Variants in TNNI3K observed in about 807,000 individuals in gnomAD.
TNNI3K encodes TNNI3 interacting kinase.
Under a neutral mutation model 114.5 loss-of-function variants are expected in TNNI3K, and 140 were observed. The ratio of observed to expected loss-of-function variants is 1.22; its 90% CI spans 1.07 to 1.41. The LOEUF (loss-of-function observed/expected upper bound fraction) is 1.41, where lower values mean the gene tolerates loss of function less well. Among genes scored for constraint, TNNI3K ranks in the 40% most tolerant of loss-of-function variants. The pLI, the probability that TNNI3K is intolerant of heterozygous loss-of-function variation, is 0.00. For missense variants in TNNI3K, 1,125 were observed against 1,007.6 expected, an observed-to-expected ratio of 1.12 and a Z score of -1.58; for synonymous variants, 347 against 347.5, an observed-to-expected ratio of 1.00 and a Z score of 0.02.
intron 20 of TNNI3K, among the ~76,000 whole-genome samples, chr1:74,451,678 TTTTCTTTTCTTTCTTTCTTTC>T (rs1557574957): frequency 2.4e-4 from 11 of 45,520 alleles, no homozygotes; most frequent in African/African-American, 8.1e-4. Context: ...TTTTCTTTTC[TTTTCTTTTCTTTCTTTCTTTC>T]TTTCTTTCTT....
At position 74,544,009 on chromosome 1, in the gene TNNI3K, GT is replaced by G. The variant is rs746952385; in HGVS notation, c.*33del. The G allele has an allele frequency of 3.1e-6, 5 of 1,598,802 alleles. No individual in the cohort carries two copies. Among genetic ancestry groups the G allele is most frequent in the African/African-American group, 1.3e-5 (1 of 74,162 alleles). ...AGCATTCGGCGTATACCTAAGGAGA[GT>G]TTTTTCCCCGAACTGACAGCAACGA... On this transcript the variant is annotated 3_prime_UTR_variant, in exon 25 of 25. Coordinates refer to ENST00000326637, the MANE Select transcript of TNNI3K (RefSeq NM_015978.3).
intron 5 of TNNI3K, among the ~76,000 whole-genome samples, chr1:74,296,535 A>G (rs1389506982): frequency 1.3e-5 from 2 of 152,020 alleles, no homozygotes; most frequent in African/African-American, 2.4e-5. Context: ...TGTGTCTGTT[A>G]TTCTCTCTGG....
intron 17 of TNNI3K, among the ~76,000 whole-genome samples, chr1:74,435,404 C>T (rs1272431746): frequency 6.6e-6 from 1 of 152,024 alleles, no homozygotes; most frequent in Non-Finnish European, 1.5e-5. Context: ...ATCTATCCAC[C>T]TCATATGGCT....
chr1:74,293,039 A>AT (rs1482577607), intron 5 of TNNI3K, among the ~76,000 whole-genome samples: 1 of 151,646 alleles, frequency 6.6e-6, no homozygotes, highest in African/African-American at 2.4e-5. Context: ...TTTATTGGAC[A>AT]TATCTTTTTC....
rs546044713 is a variant in TNNI3K, at chr1:74,519,130, G to A, written c.2352-21104G>A. On this transcript the variant is annotated intron_variant, in intron 23 of 24. Coordinates refer to ENST00000326637, the MANE Select transcript of TNNI3K (RefSeq NM_015978.3). ...TCCCACCTATGAGTGAGAATATGCGGTGTTTGGTTTTTTGTTCTTGTGATA... is the reference window on the plus strand; with the variant it reads ...TCCCACCTATGAGTGAGAATATGCGATGTTTGGTTTTTTGTTCTTGTGATA... Among the ~76,000 whole-genome samples, 182 of 93,382 alleles carry A rather than the reference G, an allele frequency of 1.9e-3. 3 individuals carry two copies. In the Middle Eastern group the frequency reaches 0.038, roughly 20 times the overall value. The allele number at this position is 93,382 out of a possible 152,430, so 61.3% of individuals were successfully genotyped here.
rs191820512 is a variant in TNNI3K at position 74,518,515 on chromosome 1, C to A, written c.2352-21719C>A. On this transcript the variant is annotated intron_variant, in intron 23 of 24. Coordinates refer to ENST00000326637, the MANE Select transcript of TNNI3K (RefSeq NM_015978.3). The stretch of plus-strand genomic sequence containing the variant: ...TGATTCTCCCACCTCAATATGCCTT[C>A]TTTTTAGGGTGGCTCTATGGTTCCC... Among the ~76,000 whole-genome samples, 115 of 152,194 alleles carry A rather than the reference C, an allele frequency of 7.6e-4. 1 individual carries two copies. The highest frequency in any genetic ancestry group is 2.7e-3 in the African/African-American group (114 of 41,532).
chr1:74,350,132 C>T (rs1049946338), intron 9 of TNNI3K, among the ~76,000 whole-genome samples: 5 of 152,112 alleles, frequency 3.3e-5, no homozygotes, highest in African/African-American at 7.2e-5. Context: ...TCCCTCTACA[C>T]ACTGCTTTGA....
At chr1:74,346,904 C>A (rs11581900) in intron 9 of TNNI3K, among the ~76,000 whole-genome samples, 90,687 of 151,318 alleles carry the variant, frequency 0.6, 30,476 homozygotes, top group East Asian at 0.82. Flanking sequence ...GTGTCTTAAT[C>A]CCAGATTCTT....
chr1:74,429,872 A>G (rs1178508751), intron 17 of TNNI3K, among the ~76,000 whole-genome samples: 1 of 152,130 alleles, frequency 6.6e-6, no homozygotes, highest in Non-Finnish European at 1.5e-5. Flanking sequence ...GGGATACATC[A>G]GAAAACAGTG....
At chr1:74,439,717 C>T (rs1022014741) in intron 20 of TNNI3K, 95 bp downstream of exon 20, 1 of 1,534,880 alleles carries the variant, frequency 6.5e-7, no homozygotes, top group African/African-American at 1.4e-5. Context: ...TGATTAGTCT[C>T]AGTGAGATGG....
intron 5 of TNNI3K, among the ~76,000 whole-genome samples, chr1:74,322,612 C>T (rs1015961629): frequency 1.1e-4 from 16 of 152,078 alleles, no homozygotes; most frequent in African/African-American, 3.1e-4. Context: ...AGGTGCACAT[C>T]GCCACGCCCA....
At chr1:74,391,591 A>G (rs1663774619) in intron 17 of TNNI3K, among the ~76,000 whole-genome samples, 1 of 152,238 alleles carries the variant, frequency 6.6e-6, no homozygotes. Context: ...ACATTTAAGA[A>G]GAGACCTTCA....
intron 4 of TNNI3K, among the ~76,000 whole-genome samples, chr1:74,268,384 G>A (rs976216073): frequency 2.0e-5 from 3 of 151,882 alleles, no homozygotes; most frequent in African/African-American, 7.2e-5. Context: ...GTTTTCTCTG[G>A]AGGAGGAATT....
At chr1:74,440,743 T>G (rs774008453) in intron 20 of TNNI3K, among the ~76,000 whole-genome samples, 2 of 152,158 alleles carry the variant, frequency 1.3e-5, no homozygotes, top group Non-Finnish European at 2.9e-5. Flanking sequence ...GCCCTTATTA[T>G]AGTGTGGATG....
chr1:74,498,581 G>T (rs1669453688), intron 23 of TNNI3K, among the ~76,000 whole-genome samples: 1 of 152,060 alleles, frequency 6.6e-6, no homozygotes. Context: ...TAGTTAGGCT[G>T]TAAATACCAG....
At chr1:74,372,056 T>C (rs1662637775) in intron 17 of TNNI3K, 1 of 144,620 alleles carries the variant, frequency 6.9e-6, no homozygotes, top group Admixed American at 6.9e-5. Context: ...CCTGAATACA[T>C]ACTCCAATTA....
chr1:74,526,559 C>T (rs1646506051), intron 23 of TNNI3K, among the ~76,000 whole-genome samples: 1 of 152,170 alleles, frequency 6.6e-6, no homozygotes, highest in African/African-American at 2.4e-5. Flanking sequence ...TCATCTTCTT[C>T]ATTAGGTTGC....
chr1:74,432,590 G>A lies in TNNI3K; in HGVS notation c.1773-3490G>A, dbSNP rs1384501942. ...ATTTCTTTAAAGAGCCTATGACATAGCATCCAATCTCTTGAAGGGAGGAAA... is the reference window on the plus strand; with the variant it reads ...ATTTCTTTAAAGAGCCTATGACATAACATCCAATCTCTTGAAGGGAGGAAA... On this transcript the variant is annotated intron_variant, in intron 17 of 24. Transcript: ENST00000326637. 3.3e-5 allele frequency among the ~76,000 whole-genome samples: 5 copies of A among 152,054 alleles called. No individual in the cohort carries two copies. The South Asian group carries it at 8.3e-4, about 25-fold the overall frequency.
At chr1:74,365,372 T>C (rs1047509570) in intron 11 of TNNI3K, among the ~76,000 whole-genome samples, 8 of 152,098 alleles carry the variant, frequency 5.3e-5, no homozygotes. Context: ...TGCAGATTGC[T>C]GATGAGCATC....
Sources: gnomAD v4.1 joint callset for allele counts (sites outside exome capture counted in the v4.1 genomes callset) on GRCh38, gnomAD v4.1.1 for gene constraint, MANE v1.5 for transcripts, NCBI Gene and HGNC (gene_info 2026-07-23, HGNC 2026-07-21) for gene names.